SHANK2: variants seen among roughly 807,000 people sequenced by gnomAD.
SHANK2 encodes SH3 and multiple ankyrin repeat domains protein 2.
Under a neutral mutation model 133.7 loss-of-function variants are expected in SHANK2, and 43 were observed. That is an observed-to-expected ratio of 0.32 (90% CI 0.25 to 0.41). The LOEUF (loss-of-function observed/expected upper bound fraction) is 0.41, where lower values mean the gene tolerates loss of function less well. SHANK2 is among the 10% of genes least tolerant of loss of function. The pLI, the probability that SHANK2 is intolerant of heterozygous loss-of-function variation, is 1.00. For synonymous variants in SHANK2, 1,017 were observed against 952.8 expected, an observed-to-expected ratio of 1.07 and a Z score of -1.24; for missense variants, 1,994 against 2,235.8, an observed-to-expected ratio of 0.89 and a Z score of 2.18.
At chr11:71,093,324 C>T (rs1349655336) in intron 7 of SHANK2, among the ~76,000 whole-genome samples, 8 of 152,106 alleles carry the variant, frequency 5.3e-5, no homozygotes, top group Admixed American at 5.2e-4. Context: ...GGGTGGCGAA[C>T]CTAGCAAGCA....
intron 17 of SHANK2, among the ~76,000 whole-genome samples, chr11:70,615,717 G>A (rs781959266): frequency 1.3e-4 from 20 of 152,320 alleles, no homozygotes; most frequent in African/African-American, 3.4e-4. Flanking sequence ...GGTAAGCGGC[G>A]CGTGGTGAAC....
At chr11:70,934,784 G>T (rs1481959710) in intron 10 of SHANK2, among the ~76,000 whole-genome samples, 1 of 152,228 alleles carries the variant, frequency 6.6e-6, no homozygotes, top group Non-Finnish European at 1.5e-5. Flanking sequence ...CGAGTGGCGT[G>T]ATTTTCCTCC....
chr11:71,224,944 C>T (rs549066840), intron 1 of SHANK2, 148 bp from the exon 2 acceptor site: 1 of 152,228 alleles, frequency 6.6e-6, no homozygotes, highest in Middle Eastern at 3.4e-3. Flanking sequence ...CACATTTTTC[C>T]CTATTCCTCA....
At chr11:70,643,050 C>T (rs1015401723) in intron 17 of SHANK2, among the ~76,000 whole-genome samples, 5 of 152,106 alleles carry the variant, frequency 3.3e-5, no homozygotes, top group African/African-American at 4.8e-5. Flanking sequence ...CACATGGGCC[C>T]GTACATATGT....
At chr11:71,216,924 C>T (rs1289534329) in intron 2 of SHANK2, among the ~76,000 whole-genome samples, 1 of 152,206 alleles carries the variant, frequency 6.6e-6, no homozygotes, top group Non-Finnish European at 1.5e-5. Context: ...AGGCTGGGTG[C>T]AGTGGCTCAC....
chr11:70,524,945 G>T (rs2059377396), intron 17 of SHANK2, among the ~76,000 whole-genome samples: 1 of 152,210 alleles, frequency 6.6e-6, no homozygotes, highest in African/African-American at 2.4e-5. Context: ...AGGCAACACA[G>T]GCCACATTTG....
chr11:70,921,036 T>G (rs748440670), intron 10 of SHANK2, among the ~76,000 whole-genome samples: 1 of 152,110 alleles, frequency 6.6e-6, no homozygotes, highest in Non-Finnish European at 1.5e-5. Context: ...ACAAGAAATC[T>G]GAAATGTCTC....
At chr11:70,876,571 A>G (rs1365615119) in intron 11 of SHANK2, among the ~76,000 whole-genome samples, 1 of 150,938 alleles carries the variant, frequency 6.6e-6, no homozygotes, top group Non-Finnish European at 1.5e-5. Context: ...AAAAAAGAAA[A>G]AAAAAGAAAA....
intron 3 of SHANK2, among the ~76,000 whole-genome samples, chr11:71,133,420 A>AGAGGGAGG: frequency 8.0e-5 from 1 of 12,452 alleles, no homozygotes; most frequent in Non-Finnish European, 1.4e-4. Flanking sequence ...ATGGATGGAC[A>AGAGGGAGG]GATGGAGGGA....
intron 14 of SHANK2, among the ~76,000 whole-genome samples, chr11:70,719,097 G>A (rs920744818): frequency 1.6e-4 from 24 of 152,220 alleles, no homozygotes; most frequent in Middle Eastern, 3.2e-3. Context: ...TGAAGAGCAC[G>A]TCAGGTGCCA....
At chr11:70,551,344 C>G (rs2059765781) in intron 17 of SHANK2, among the ~76,000 whole-genome samples, 1 of 145,200 alleles carries the variant, frequency 6.9e-6, no homozygotes, top group Non-Finnish European at 1.5e-5. Flanking sequence ...CCTCCCCCAT[C>G]TCCACCCGGC....
chr11:70,534,324 G>A (rs1216191754), intron 17 of SHANK2, among the ~76,000 whole-genome samples: 2 of 152,170 alleles, frequency 1.3e-5, no homozygotes, highest in African/African-American at 4.8e-5. Flanking sequence ...CAGATCTTGT[G>A]AAAATTCACT....
chr11:70,553,602 C>T (rs1233082132), intron 17 of SHANK2, among the ~76,000 whole-genome samples: 12 of 152,166 alleles, frequency 7.9e-5, no homozygotes, highest in Admixed American at 6.5e-4. Context: ...TGCAGGAGTG[C>T]AGTGGGACGC....
chr11:70,567,691 G>A (rs782445542), intron 17 of SHANK2, among the ~76,000 whole-genome samples: 5 of 151,938 alleles, frequency 3.3e-5, no homozygotes, highest in Admixed American at 1.3e-4. Context: ...AGACGACTAC[G>A]GGAGGACCCA....
intron 14 of SHANK2, among the ~76,000 whole-genome samples, chr11:70,736,073 C>T (rs1946397952): frequency 6.6e-6 from 1 of 151,392 alleles, no homozygotes; most frequent in Admixed American, 6.6e-5. Flanking sequence ...TAGATCCAAG[C>T]CTGACCCAGG....
chr11:70,869,254 C>T (rs959898472), intron 11 of SHANK2, among the ~76,000 whole-genome samples: 5 of 152,212 alleles, frequency 3.3e-5, no homozygotes, highest in Non-Finnish European at 5.9e-5. Context: ...GCCTCCCTGT[C>T]TGTGGTGCTT....
intron 17 of SHANK2, among the ~76,000 whole-genome samples, chr11:70,529,877 T>C (rs1486055072): frequency 6.6e-6 from 1 of 152,240 alleles, no homozygotes; most frequent in African/African-American, 2.4e-5. Flanking sequence ...TCTGTTCCTC[T>C]TTATGGCTGA....
chr11:70,751,084 C>T (rs1946741321), intron 14 of SHANK2, among the ~76,000 whole-genome samples: 1 of 151,766 alleles, frequency 6.6e-6, no homozygotes, highest in South Asian at 2.1e-4. Flanking sequence ...ATATAGAAGA[C>T]AGAGGAAACA....
Position 70,892,126 on chromosome 11 carries a change from C to G in SHANK2, c.1174+4375G>C, listed in dbSNP as rs143864201. Among the ~76,000 whole-genome samples the G allele has an allele frequency of 3.8e-3, 577 of 152,282 alleles. 18 individuals are homozygous for G. The highest frequency in any genetic ancestry group is 0.032 in the Admixed American group (497 of 15,304). On this transcript the variant is annotated intron_variant, in intron 11 of 25. Coordinates refer to ENST00000601538, the MANE Select transcript of SHANK2 (RefSeq NM_012309.5). ...GGGCTGCCAGGCAGCACCGTCACACCGTCATGAGGCTGGCACCTTAGTCCA... is the reference window on the plus strand; with the variant it reads ...GGGCTGCCAGGCAGCACCGTCACACGGTCATGAGGCTGGCACCTTAGTCCA...
Sources: allele counts gnomAD v4.1 joint callset (sites outside exome capture counted in the v4.1 genomes callset), GRCh38; gene constraint gnomAD v4.1.1; transcripts MANE v1.5; gene names NCBI Gene and HGNC (gene_info 2026-07-23, HGNC 2026-07-21).